The following CMTM4 variants were observed in gnomAD, a reference collection of about 807,000 sequenced individuals.
CMTM4 encodes the protein CKLF like MARVEL transmembrane domain containing 4.
CMTM4 carries 8 observed loss-of-function variants against 19.0 expected under a neutral mutation model. That is an observed-to-expected ratio of 0.42 (90% CI 0.25 to 0.76). The LOEUF is 0.76. Among genes scored for constraint, CMTM4 ranks in the 30% least tolerant of loss-of-function variants. CMTM4 has a pLI of 0.27. For synonymous variants in CMTM4, 106 were observed against 121.1 expected (o/e 0.88, Z 0.82); for missense variants, 228 against 290.2 (o/e 0.79, Z 1.56).
intron 2 of CMTM4, among the ~76,000 whole-genome samples, chr16:66,623,966 A>G (rs1489190283): frequency 1.3e-5 from 2 of 152,150 alleles, no homozygotes; most frequent in African/African-American, 2.4e-5. Flanking sequence ...GCTCTTTCTC[A>G]AGCAGTCTTT....
chr16:66,627,074 G>A (rs1282356893), intron 2 of CMTM4, among the ~76,000 whole-genome samples: 3 of 152,212 alleles, frequency 2.0e-5, no homozygotes, highest in Non-Finnish European at 2.9e-5. Flanking sequence ...CTGCACTGCA[G>A]CCTGGGGGAC....
At chr16:66,684,141 T>C (rs1477729555) in intron 1 of CMTM4, among the ~76,000 whole-genome samples, 2 of 152,116 alleles carry the variant, frequency 1.3e-5, no homozygotes, top group Non-Finnish European at 2.9e-5. Context: ...GTTTAGAGTA[T>C]AGACTGTTTG....
chr16:66,640,958 G>GCTTGA (rs2016088637), intron 1 of CMTM4, among the ~76,000 whole-genome samples: 1 of 152,168 alleles, frequency 6.6e-6, no homozygotes, highest in East Asian at 1.9e-4. Context: ...CTAGCCAAAA[G>GCTTGA]CTTGACTGCA....
Position 66,617,775 on chromosome 16 carries a change from T to C in CMTM4, c.*4283A>G. On this transcript the variant is annotated 3_prime_UTR_variant, in exon 4 of 4. Transcript: ENST00000394106. ...TGTCTGAGATGGCAGCCAAGCCAGCTTCAGAGTCACCTGCTGGACCCACAT... is the reference window on the plus strand; with the variant it reads ...TGTCTGAGATGGCAGCCAAGCCAGCCTCAGAGTCACCTGCTGGACCCACAT... 1.0e-6 allele frequency: 1 copy of C among 1,003,808 alleles called. No homozygotes were observed. Among genetic ancestry groups the C allele is most frequent in the East Asian group, 1.1e-4 (1 of 9,434 alleles). 62.2% of individuals were successfully genotyped at this position (1,003,808 alleles called of 1,614,324 possible).
intron 2 of CMTM4, among the ~76,000 whole-genome samples, chr16:66,634,756 TA>T (rs548035911): frequency 2.0e-5 from 3 of 150,186 alleles, no homozygotes; most frequent in Non-Finnish European, 3.0e-5. Flanking sequence ...ATTTTATACT[TA>T]AAAAAAAACC....
intron 1 of CMTM4, among the ~76,000 whole-genome samples, chr16:66,681,873 C>G (rs1170932725): frequency 6.6e-6 from 1 of 152,208 alleles, no homozygotes; most frequent in Non-Finnish European, 1.5e-5. Context: ...CCTTTCTGGG[C>G]TGGACCCTAG....
At chr16:66,605,332 T>A in the CMTM4 span, 1 of 164,178 alleles carries the variant, frequency 6.1e-6, no homozygotes, top group Non-Finnish European at 1.3e-5. This position sits in a 1 kb window ranked among gnomAD's most constrained non-coding sequence, Gnocchi z 4.6. Context: ...TCCGCTTTCC[T>A]GCGAGCGGGT....
At chr16:66,612,793 C>G, downstream of CMTM4, 1 of 711,092 alleles carries the variant, frequency 1.4e-6, no homozygotes, top group Non-Finnish European at 2.4e-6. The surrounding 1 kb of genome is among the most constrained non-coding windows in gnomAD (Gnocchi z 6.0). Context: ...CTGCCTGAGC[C>G]CAGCCTACCA....
chr16:66,649,384 A>G (rs1202812793), intron 1 of CMTM4, among the ~76,000 whole-genome samples: 3 of 152,140 alleles, frequency 2.0e-5, no homozygotes, highest in Non-Finnish European at 4.4e-5. Context: ...CTAGGGATGC[A>G]TTGGTGAACA....
chr16:66,653,458 T>C (rs914528266), intron 1 of CMTM4, among the ~76,000 whole-genome samples: 2 of 152,034 alleles, frequency 1.3e-5, no homozygotes, highest in Non-Finnish European at 1.5e-5. Context: ...AGCTAAGGGT[T>C]AGCAGTACAG....
At chr16:66,609,105 G>A in the CMTM4 span, among the ~76,000 whole-genome samples, 1 of 152,176 alleles carries the variant, frequency 6.6e-6, no homozygotes, top group Non-Finnish European at 1.5e-5. The surrounding 1 kb of genome is among the most constrained non-coding windows in gnomAD (Gnocchi z 4.4). Context: ...TCTCCCCAAT[G>A]GAGAGCGGGA....
chr16:66,665,950 T>C (rs1400926866), intron 1 of CMTM4, among the ~76,000 whole-genome samples: 1 of 151,576 alleles, frequency 6.6e-6, no homozygotes, highest in Non-Finnish European at 1.5e-5. Flanking sequence ...CACACACCTG[T>C]AATCCCAGCT....
chr16:66,688,953 A>G (rs1041554380), intron 1 of CMTM4, among the ~76,000 whole-genome samples: 4 of 152,220 alleles, frequency 2.6e-5, no homozygotes, highest in Non-Finnish European at 5.9e-5. Context: ...ATTTATTGCT[A>G]GGATATAAAA....
chr16:66,674,300 C>G (rs2016765642), intron 1 of CMTM4, among the ~76,000 whole-genome samples: 1 of 152,180 alleles, frequency 6.6e-6, no homozygotes, highest in African/African-American at 2.4e-5. Flanking sequence ...CCTCAAAGGC[C>G]TGGCTTACTA....
At chr16:66,631,541 T>C (rs546135788) in intron 2 of CMTM4, among the ~76,000 whole-genome samples, 52 of 152,322 alleles carry the variant, frequency 3.4e-4, no homozygotes, top group African/African-American at 1.2e-3. Context: ...TGTGTCTGTG[T>C]AGAAAGAAGT....
chr16:66,667,927 T>C (rs2016630824), intron 1 of CMTM4, among the ~76,000 whole-genome samples: 1 of 152,212 alleles, frequency 6.6e-6, no homozygotes, highest in Non-Finnish European at 1.5e-5. Flanking sequence ...ATAATATTTC[T>C]TCTGTTTTCT....
intron 1 of CMTM4, among the ~76,000 whole-genome samples, chr16:66,678,015 G>T (rs1488959456): frequency 1.3e-5 from 2 of 152,032 alleles, no homozygotes; most frequent in African/African-American, 2.4e-5. Flanking sequence ...CTATTTTCGT[G>T]AAGAAAAGTG....
rs1268546730 is a variant in CMTM4 at position 66,636,520 on chromosome 16, C to G, written c.248G>C (p.Gly83Ala). 1 of 1,614,104 alleles carries G rather than the reference C, an allele frequency of 6.2e-7. No homozygotes were observed. The highest frequency in any genetic ancestry group is 8.5e-7 in the Non-Finnish European group (1 of 1,180,008). ...ETIMACSPCE[G>A]LYFFEFVSCS... ...GCTCACAAACTCAAAAAAGTAGAGG[C>G]CTTCACACGGGGAGCATGCCATGAT... is the stretch of plus-strand genomic sequence containing the variant. Residue 83 changes from glycine to alanine, a missense_variant, in exon 2 of 4, where the codon GGC becomes GCC. By Grantham distance (60) the Gly-to-Ala change is moderately conservative (BLOSUM62 0). Transcript: ENST00000394106.
intron 1 of CMTM4, among the ~76,000 whole-genome samples, chr16:66,692,499 C>T (rs2017153816): frequency 6.6e-6 from 1 of 152,238 alleles, no homozygotes; most frequent in Admixed American, 6.5e-5. Context: ...TGGGGTAAGG[C>T]CACTGATTCT....
Sources: gnomAD v4.1 joint callset for allele counts (sites outside exome capture counted in the v4.1 genomes callset) on GRCh38, gnomAD v4.1.1 for gene constraint, Gnocchi (gnomAD v3.1) non-coding constraint, MANE v1.5 for transcripts, NCBI Gene and HGNC (gene_info 2026-07-23, HGNC 2026-07-21) for gene names.